The following SPOCK3 variants were observed in gnomAD, a reference collection of about 807,000 sequenced individuals.
The protein encoded by SPOCK3 is SPARC (osteonectin), cwcv and kazal like domains proteoglycan 3, also known as testican-3.
In SPOCK3, 30 loss-of-function variants were observed where a neutral mutation model predicts 56.6. The observed-to-expected ratio is 0.53, with a 90% CI of 0.40 to 0.72. The LOEUF (loss-of-function observed/expected upper bound fraction) is 0.72, where lower values mean the gene tolerates loss of function less well. SPOCK3 is among the 30% of genes least tolerant of loss of function. SPOCK3 has a pLI of 0.00. For missense variants in SPOCK3, 527 were observed against 530.0 expected (o/e 0.99, Z 0.06); for synonymous variants, 196 against 183.3 (o/e 1.07, Z -0.56).
intron 3 of SPOCK3, among the ~76,000 whole-genome samples, chr4:167,058,650 C>A (rs1472789485): frequency 6.6e-6 from 1 of 152,100 alleles, no homozygotes; most frequent in African/African-American, 2.4e-5. Flanking sequence ...GAAAAAACTA[C>A]TTTAAAGTTC....
chr4:167,199,333 T>C (rs1733283702), intron 2 of SPOCK3, among the ~76,000 whole-genome samples: 1 of 151,838 alleles, frequency 6.6e-6, no homozygotes, highest in Admixed American at 6.6e-5. Context: ...GTGTGTTAGC[T>C]GCTGATGGCT....
intron 6 of SPOCK3, among the ~76,000 whole-genome samples, chr4:166,804,137 G>C (rs1040987710): frequency 1.3e-5 from 2 of 152,126 alleles, no homozygotes; most frequent in Non-Finnish European, 2.9e-5. Flanking sequence ...TAGTAGTAAG[G>C]TTTCTTAGTA....
At chr4:166,785,276 T>G (rs1182414348) in intron 7 of SPOCK3, among the ~76,000 whole-genome samples, 3 of 152,076 alleles carry the variant, frequency 2.0e-5, no homozygotes, top group Non-Finnish European at 4.4e-5. Context: ...AGAAGCCTGA[T>G]TTTATAAAAT....
intron 4 of SPOCK3, among the ~76,000 whole-genome samples, chr4:166,982,241 C>T (rs1004453925): frequency 6.6e-5 from 10 of 152,192 alleles, no homozygotes; most frequent in Non-Finnish European, 1.0e-4. Context: ...GCTGCTGCCG[C>T]CATCAGTGTA....
chr4:166,893,697 C>G (rs1735036079), intron 5 of SPOCK3, among the ~76,000 whole-genome samples: 1 of 152,078 alleles, frequency 6.6e-6, no homozygotes, highest in African/African-American at 2.4e-5. Flanking sequence ...GGTAGCAATA[C>G]AAATTTTCAT....
chr4:166,910,554 C>T (rs1737157264), intron 5 of SPOCK3, among the ~76,000 whole-genome samples: 1 of 152,112 alleles, frequency 6.6e-6, no homozygotes, highest in South Asian at 2.1e-4. Context: ...CTATTTCTTA[C>T]ATGCTAAGTA....
At chr4:167,173,464 ATATC>A (rs1424326524) in intron 2 of SPOCK3, among the ~76,000 whole-genome samples, 3 of 152,048 alleles carry the variant, frequency 2.0e-5, no homozygotes. Context: ...TTTCCCCACT[ATATC>A]TATCTAACCA....
chr4:167,223,050 ATATATTTTATAT>A (rs1561341832), intron 2 of SPOCK3, among the ~76,000 whole-genome samples: 10 of 109,192 alleles, frequency 9.2e-5, no homozygotes, highest in Non-Finnish European at 1.4e-4. Flanking sequence ...ATATATGAAT[ATATATTTTATAT>A]ATGAATATAT....
intron 2 of SPOCK3, among the ~76,000 whole-genome samples, chr4:167,150,500 G>A (rs891266585): frequency 4.6e-5 from 7 of 151,996 alleles, no homozygotes; most frequent in Non-Finnish European, 8.8e-5. Flanking sequence ...CTGAAAGAGG[G>A]TGGAAAGAGT....
At chr4:167,018,070 T>C (rs1750814276) in intron 3 of SPOCK3, among the ~76,000 whole-genome samples, 1 of 152,104 alleles carries the variant, frequency 6.6e-6, no homozygotes, top group Admixed American at 6.6e-5. Context: ...AAATATTATA[T>C]TTTTTCACAC....
At chr4:167,030,232 A>G (rs1039771562) in intron 3 of SPOCK3, among the ~76,000 whole-genome samples, 2 of 151,956 alleles carry the variant, frequency 1.3e-5, no homozygotes, top group Non-Finnish European at 2.9e-5. Context: ...TTTTCAATAA[A>G]ATTATTTTAG....
At chr4:167,000,592 T>C (rs1748851255) in intron 3 of SPOCK3, 129 bp from the exon 4 acceptor site, 1 of 539,538 alleles carries the variant, frequency 1.9e-6, no homozygotes, top group Admixed American at 3.7e-5. Context: ...ATTCTTTCTC[T>C]ATTAAGAGAA....
At chr4:167,060,276 A>G (rs1356878584) in intron 3 of SPOCK3, among the ~76,000 whole-genome samples, 2 of 151,694 alleles carry the variant, frequency 1.3e-5, no homozygotes, top group East Asian at 1.9e-4. Flanking sequence ...TATGTTAAGT[A>G]AAATAAACCA....
At chr4:167,002,159 A>T (rs1034266559) in intron 3 of SPOCK3, among the ~76,000 whole-genome samples, 3 of 151,944 alleles carry the variant, frequency 2.0e-5, no homozygotes, top group Non-Finnish European at 4.4e-5. Flanking sequence ...GGGTTTCACC[A>T]TGTTGGCCAG....
intron 4 of SPOCK3, among the ~76,000 whole-genome samples, chr4:166,960,031 T>G (rs1042141108): frequency 2.0e-5 from 3 of 152,154 alleles, no homozygotes; most frequent in Non-Finnish European, 2.9e-5. Context: ...ACCCCTAGAG[T>G]ATAAACCTAA....
chr4:166,952,299 A>T (rs1742752806), intron 4 of SPOCK3, among the ~76,000 whole-genome samples: 1 of 152,218 alleles, frequency 6.6e-6, no homozygotes, highest in Non-Finnish European at 1.5e-5. Context: ...ACAGACAAAC[A>T]GAGAGCCAAA....
chr4:167,028,374 AAACAACAACAACAAC>A (rs534517585), intron 3 of SPOCK3, among the ~76,000 whole-genome samples: 1 of 139,126 alleles, frequency 7.2e-6, no homozygotes, highest in Non-Finnish European at 1.5e-5. Context: ...GAAACCGGTA[AAACAACAACAACAAC>A]AACAACAACA....
chr4:167,163,146 A>T (rs1188612329), intron 2 of SPOCK3, among the ~76,000 whole-genome samples: 1 of 147,568 alleles, frequency 6.8e-6, no homozygotes, highest in Non-Finnish European at 1.5e-5. Context: ...CAATTAAAAC[A>T]TAGGTTTTTT....
chr4:166,888,287 T>G (rs1734411965), intron 6 of SPOCK3, among the ~76,000 whole-genome samples: 1 of 152,064 alleles, frequency 6.6e-6, no homozygotes, highest in African/African-American at 2.4e-5. Flanking sequence ...AAATTACTTA[T>G]CCACACTAAT....
Sources: allele counts gnomAD v4.1 joint callset (sites outside exome capture counted in the v4.1 genomes callset), GRCh38; gene constraint gnomAD v4.1.1; transcripts MANE v1.5; gene names NCBI Gene and HGNC (gene_info 2026-07-23, HGNC 2026-07-21).